CDCA7L: variants seen among roughly 807,000 people sequenced by gnomAD.
CDCA7L encodes cell division cycle associated 7 like.
In CDCA7L, 44 loss-of-function variants were observed where a neutral mutation model predicts 57.4. The ratio of observed to expected loss-of-function variants is 0.77; its 90% CI spans 0.60 to 0.98. The LOEUF is 0.98. Ranked by LOEUF, CDCA7L falls within the 50% of genes least tolerant of loss-of-function variation. CDCA7L has a pLI of 0.00. For synonymous variants in CDCA7L, 236 were observed against 202.8 expected, an observed-to-expected ratio of 1.16 and a Z score of -1.39; for missense variants, 644 against 580.6, an observed-to-expected ratio of 1.11 and a Z score of -1.12.
chr7:21,906,180 C>A, intron 6 of CDCA7L, 109 bp downstream of exon 6: 1 of 1,045,930 alleles, frequency 9.6e-7, no homozygotes. Flanking sequence ...TCTCAGCTGC[C>A]GCAGACCCAC....
chr7:21,944,449 C>CAAAAAAGAAAAAAAAA (rs1786445239), intron 1 of CDCA7L, among the ~76,000 whole-genome samples: 1 of 61,658 alleles, frequency 1.6e-5, no homozygotes, highest in African/African-American at 9.0e-5. Context: ...ACTCCGTCTC[C>CAAAAAAGAAAAAAAAA]AAAAAAAAAA....
At chr7:21,935,931 C>G (rs544588046) in intron 1 of CDCA7L, among the ~76,000 whole-genome samples, 2 of 152,130 alleles carry the variant, frequency 1.3e-5, no homozygotes, top group Admixed American at 1.3e-4. Flanking sequence ...CTGCTTGAAC[C>G]CAGGAGGCGG....
chr7:21,939,575 G>T lies in CDCA7L; in HGVS notation c.24+6206C>A, dbSNP rs930777360. 2.0e-5 allele frequency among the ~76,000 whole-genome samples: 3 copies of T among 152,180 alleles called. No homozygotes were observed. The South Asian group carries it at 6.2e-4, about 32-fold the overall frequency. ...CCAGGGAGGTCAGCAGATAGAACAT[G>T]TGAAGCCAATGTTAAGATTTCTCTG... On this transcript the variant is annotated intron_variant, in intron 1 of 9. Coordinates refer to ENST00000406877, the MANE Select transcript of CDCA7L (RefSeq NM_018719.5).
chr7:21,919,530 C>T (rs1278282339), intron 1 of CDCA7L, among the ~76,000 whole-genome samples: 1 of 152,100 alleles, frequency 6.6e-6, no homozygotes, highest in Non-Finnish European at 1.5e-5. Context: ...CACAATGCAT[C>T]TCGGTTAATT....
intron 3 of CDCA7L, among the ~76,000 whole-genome samples, chr7:21,909,494 G>A (rs1030954448): frequency 7.2e-5 from 11 of 151,984 alleles, no homozygotes; most frequent in Non-Finnish European, 1.0e-4. Context: ...CCAAACTCTC[G>A]TTGGACTAAA....
intron 3 of CDCA7L, among the ~76,000 whole-genome samples, chr7:21,910,300 C>A (rs1190006978): frequency 1.3e-5 from 2 of 152,174 alleles, no homozygotes; most frequent in African/African-American, 2.4e-5. Context: ...ACTGATGGAA[C>A]TGCCACACAA....
At chr7:21,929,972 T>TA (rs1472939574) in intron 1 of CDCA7L, among the ~76,000 whole-genome samples, 1 of 152,170 alleles carries the variant, frequency 6.6e-6, no homozygotes, top group Non-Finnish European at 1.5e-5. Context: ...GCAGACCTAA[T>TA]AGACATCTAC....
At position 21,902,186 on chromosome 7, in the gene CDCA7L, A is replaced by C. The variant is rs1784917929; in HGVS notation, c.*136T>G. 1 of 864,590 alleles carries C rather than the reference A, an allele frequency of 1.2e-6. No individual in the cohort carries two copies. Among genetic ancestry groups the C allele is most frequent in the Non-Finnish European group, 1.9e-6 (1 of 522,624 alleles). The allele number at this position is 864,590 out of a possible 1,614,324, so 53.6% of individuals were successfully genotyped here. A position where few individuals can be genotyped will look rare whatever the true frequency, so the allele number is the denominator to read the frequency against. On this transcript the variant is annotated 3_prime_UTR_variant, in exon 10 of 10. Coordinates refer to ENST00000406877, the MANE Select transcript of CDCA7L (RefSeq NM_018719.5). Reference sequence around the variant, plus strand: ...CTTTGTAAGCATATAAACAATCTTTAACAAAAAATAGTAATTTCTACAAAG... The same window carrying C: ...CTTTGTAAGCATATAAACAATCTTTCACAAAAAATAGTAATTTCTACAAAG...
chr7:21,902,786 GAGA>G, intron 9 of CDCA7L, 189 bp downstream of exon 9: 1 of 569,554 alleles, frequency 1.8e-6, no homozygotes, highest in Non-Finnish European at 3.0e-6. Flanking sequence ...TCTAGCAAAG[GAGA>G]AGATTCCCTA....
chr7:21,903,864 GTAAGCAAGTT>G, intron 8 of CDCA7L: 1 of 387,674 alleles, frequency 2.6e-6, no homozygotes, highest in Non-Finnish European at 4.6e-6. Context: ...CTAGAGGACT[GTAAGCAAGTT>G]TTGCTCTGAC....
At chr7:21,905,961 G>C (rs1583842154) in intron 6 of CDCA7L, among the ~76,000 whole-genome samples, 1 of 152,318 alleles carries the variant, frequency 6.6e-6, no homozygotes, top group East Asian at 1.9e-4. Flanking sequence ...AACGCCTCAT[G>C]CCTAAAACAG....
rs148915357 is a variant in CDCA7L, at chr7:21,928,104, C to T, written c.25-11210G>A. ...TGGTGGTTGCCCCTCTGGGATGAAG[C>T]TTCCAGAGGAAGAAAACAGGCAGCA... On this transcript the variant is annotated intron_variant, in intron 1 of 9. Transcript: ENST00000406877. Among the ~76,000 whole-genome samples the T allele has an allele frequency of 3.0e-4, 45 of 152,314 alleles. No homozygotes were observed. In the East Asian group the frequency reaches 7.7e-3, roughly 26 times the overall value.
chr7:21,939,005 T>C (rs145994313), intron 1 of CDCA7L, among the ~76,000 whole-genome samples: 2,840 of 152,170 alleles, frequency 0.019, 72 homozygotes, highest in African/African-American at 0.063. Context: ...TGAGACCCTG[T>C]CTCAAAAGAG....
intron 1 of CDCA7L, among the ~76,000 whole-genome samples, chr7:21,924,915 C>T (rs1024366147): frequency 4.6e-5 from 7 of 152,124 alleles, no homozygotes; most frequent in East Asian, 1.9e-4. Flanking sequence ...ATCAGATGGT[C>T]GACGAGTTAA....
intron 3 of CDCA7L, 146 bp downstream of exon 3, chr7:21,911,471 A>T: frequency 1.0e-6 from 1 of 987,420 alleles, no homozygotes; most frequent in Non-Finnish European, 1.4e-6. Flanking sequence ...TCCAGGAGCA[A>T]TTTTTTTAGG....
chr7:21,919,814 A>G (rs550642741), intron 1 of CDCA7L, among the ~76,000 whole-genome samples: 1 of 152,078 alleles, frequency 6.6e-6, no homozygotes, highest in Non-Finnish European at 1.5e-5. Context: ...CCAACAACAA[A>G]CAGTGCAGTT....
chr7:21,933,043 T>A (rs1054176742), intron 1 of CDCA7L, among the ~76,000 whole-genome samples: 1 of 151,142 alleles, frequency 6.6e-6, no homozygotes, highest in African/African-American at 2.4e-5. Context: ...AACAAACATA[T>A]GAAAAAAAGC....
At chr7:21,941,942 A>C in intron 1 of CDCA7L, among the ~76,000 whole-genome samples, 1 of 152,180 alleles carries the variant, frequency 6.6e-6, no homozygotes, top group Non-Finnish European at 1.5e-5. Context: ...AAGGTCCCCC[A>C]GGTCCCCATA....
At chr7:21,943,013 G>C (rs997928092) in intron 1 of CDCA7L, among the ~76,000 whole-genome samples, 4 of 152,158 alleles carry the variant, frequency 2.6e-5, no homozygotes, top group African/African-American at 9.7e-5. Flanking sequence ...CTGTACTCTG[G>C]AGCTAGAACA....
Sources: allele counts gnomAD v4.1 joint callset (sites outside exome capture counted in the v4.1 genomes callset), GRCh38; gene constraint gnomAD v4.1.1; transcripts MANE v1.5; gene names NCBI Gene and HGNC (gene_info 2026-07-23, HGNC 2026-07-21).